Variants in ME2 observed in about 807,000 individuals in gnomAD.
ME2 encodes the protein malic enzyme 2, also known as NAD-dependent malic enzyme, mitochondrial.
Under a neutral mutation model 73.7 loss-of-function variants are expected in ME2, and 60 were observed. The observed-to-expected ratio is 0.81, with a 90% CI of 0.66 to 1.01. ME2 has a LOEUF of 1.01. Ranked by LOEUF, ME2 falls within the 50% of genes least tolerant of loss-of-function variation. The pLI is 0.00. For synonymous variants in ME2, 199 were observed against 236.9 expected (o/e 0.84, Z 1.47); for missense variants, 594 against 705.5 (o/e 0.84, Z 1.79).
At chr18:50,931,600 A>G (rs1314605968) in intron 12 of ME2, among the ~76,000 whole-genome samples, 1 of 151,940 alleles carries the variant, frequency 6.6e-6, no homozygotes, top group Non-Finnish European at 1.5e-5. Flanking sequence ...CCCTTCATTC[A>G]TCAGTGTTTA....
At chr18:50,946,939 T>C in intron 15 of ME2, 78 bp from the exon 16 acceptor site, 1 of 1,011,078 alleles carries the variant, frequency 9.9e-7, no homozygotes, top group Non-Finnish European at 1.5e-6. Flanking sequence ...AAACTTATTT[T>C]CCTGTGTTAT....
At chr18:50,885,892 T>A (rs1386858927) in intron 1 of ME2, among the ~76,000 whole-genome samples, 1 of 152,144 alleles carries the variant, frequency 6.6e-6, no homozygotes, top group Non-Finnish European at 1.5e-5. Context: ...TTTGAGTAAC[T>A]TAAAATTTAA....
At chr18:50,910,743 A>G (rs1441368218) in intron 3 of ME2, among the ~76,000 whole-genome samples, 2 of 152,188 alleles carry the variant, frequency 1.3e-5, no homozygotes, top group Non-Finnish European at 2.9e-5. Context: ...AGAGTTCACT[A>G]TCTCTGGTGG....
At chr18:50,881,060 C>T (rs1258626542) in intron 1 of ME2, among the ~76,000 whole-genome samples, 1 of 152,140 alleles carries the variant, frequency 6.6e-6, no homozygotes, top group African/African-American at 2.4e-5. Flanking sequence ...CGGAGTTTTG[C>T]TCTTGTTGCC....
chr18:50,880,761 A>G (rs1472786794), intron 1 of ME2, among the ~76,000 whole-genome samples: 2 of 152,202 alleles, frequency 1.3e-5, no homozygotes, highest in African/African-American at 4.8e-5. Context: ...ATGTTGGGCT[A>G]TGCTTCTGTA....
At chr18:50,935,997 G>A (rs1917810520) in intron 13 of ME2, among the ~76,000 whole-genome samples, 1 of 151,742 alleles carries the variant, frequency 6.6e-6, no homozygotes, top group African/African-American at 2.4e-5. Context: ...TTTTAGAACT[G>A]GTGATTGACA....
At chr18:50,904,471 A>G (rs989919621) in intron 2 of ME2, among the ~76,000 whole-genome samples, 1 of 151,654 alleles carries the variant, frequency 6.6e-6, no homozygotes, top group East Asian at 1.9e-4. Flanking sequence ...TTTAGTAGAG[A>G]TGGGGTTTCA....
chr18:50,913,793 AG>A (rs1358686433), intron 4 of ME2, among the ~76,000 whole-genome samples: 3 of 151,254 alleles, frequency 2.0e-5, no homozygotes, highest in African/African-American at 7.3e-5. Context: ...TGGGAATAGC[AG>A]GACCTATCAA....
chr18:50,924,580 C>T (rs1433999595), intron 11 of ME2, among the ~76,000 whole-genome samples: 1 of 152,164 alleles, frequency 6.6e-6, no homozygotes, highest in Non-Finnish European at 1.5e-5. Context: ...TCAGGCATTG[C>T]ATAGATGCCA....
rs1202303203 is a variant in ME2, at chr18:50,920,445, G to T, written c.735-11G>T. 4 of 1,559,428 alleles carry T rather than the reference G, an allele frequency of 2.6e-6. No individual in the cohort carries two copies. Among genetic ancestry groups the T allele is most frequent in the Non-Finnish European group, 3.5e-6 (4 of 1,146,208 alleles). ...TTTCAACACAACTATTGTGGGTTTTGCTGTTTTTAGATATGGCCGGAACAC... is the reference window on the plus strand; with the variant it reads ...TTTCAACACAACTATTGTGGGTTTTTCTGTTTTTAGATATGGCCGGAACAC... On this transcript the variant is annotated splice_polypyrimidine_tract_variant and intron_variant, in intron 7 of 15. Coordinates refer to ENST00000321341, the MANE Select transcript of ME2 (RefSeq NM_002396.5).
At chr18:50,919,698 G>GT (rs1450672281) in intron 7 of ME2, among the ~76,000 whole-genome samples, 1 of 151,968 alleles carries the variant, frequency 6.6e-6, no homozygotes, top group African/African-American at 2.4e-5. Context: ...TATGAGCTAC[G>GT]TATCACTGGC....
At chr18:50,911,789 T>C (rs1917164328) in intron 3 of ME2, among the ~76,000 whole-genome samples, 1 of 152,204 alleles carries the variant, frequency 6.6e-6, no homozygotes, top group Non-Finnish European at 1.5e-5. Flanking sequence ...TTGTTAACTA[T>C]TTTAGGAGCT....
chr18:50,885,501 G>A (rs371372061), intron 1 of ME2, among the ~76,000 whole-genome samples: 1 of 152,020 alleles, frequency 6.6e-6, no homozygotes, highest in South Asian at 2.1e-4. Context: ...CTGAGTGACA[G>A]AGTGAGATAC....
At chr18:50,902,484 C>T (rs1269687404) in intron 2 of ME2, among the ~76,000 whole-genome samples, 2 of 152,152 alleles carry the variant, frequency 1.3e-5, no homozygotes, top group Non-Finnish European at 2.9e-5. Flanking sequence ...CCACATCCTC[C>T]GCTCCCAGGT....
At chr18:50,919,693 G>C (rs1917375314) in intron 7 of ME2, among the ~76,000 whole-genome samples, 1 of 152,004 alleles carries the variant, frequency 6.6e-6, no homozygotes, top group African/African-American at 2.4e-5. Flanking sequence ...ACCAATATGA[G>C]CTACGTATCA....
Position 50,907,124 on chromosome 18 carries a change from C to T in ME2, c.109-939C>T, listed in dbSNP as rs147132810. ...GAAATGGCTTTTCAGATGGGGTGAG[C>T]GCCAAGTTAGGTCAAATGAAGATAG... On this transcript the variant is annotated intron_variant, in intron 2 of 15. Coordinates refer to ENST00000321341, the MANE Select transcript of ME2 (RefSeq NM_002396.5). Among the ~76,000 whole-genome samples, 373 of 152,212 alleles carry T rather than the reference C, an allele frequency of 2.5e-3. 2 individuals are homozygous for T. The highest frequency in any genetic ancestry group is 8.3e-3 in the African/African-American group (345 of 41,546).
rs139135172 is a variant in ME2 at position 50,907,655 on chromosome 18, G to A, written c.109-408G>A. ...ATACCATAGGATGCTTAACTCTTTC[G>A]TAGTTAATGGGCTTTTTGTTAGCTT... On this transcript the variant is annotated intron_variant, in intron 2 of 15. Transcript: ENST00000321341. Among the ~76,000 whole-genome samples, 438 of 152,186 alleles carry A rather than the reference G, an allele frequency of 2.9e-3. 3 individuals are homozygous for A. The highest frequency in any genetic ancestry group is 8.1e-3 in the African/African-American group (338 of 41,534).
intron 2 of ME2, among the ~76,000 whole-genome samples, chr18:50,906,815 C>G (rs1218802875): frequency 6.6e-6 from 1 of 152,148 alleles, no homozygotes; most frequent in East Asian, 1.9e-4. Flanking sequence ...TACCCAGAAG[C>G]CTTCACTTCC....
chr18:50,918,875 A>G (rs1917353764), intron 7 of ME2, among the ~76,000 whole-genome samples: 1 of 152,168 alleles, frequency 6.6e-6, no homozygotes, highest in African/African-American at 2.4e-5. Context: ...CTGCATTTCT[A>G]ATAATCAGAA....
Sources: gnomAD v4.1 joint callset for allele counts (sites outside exome capture counted in the v4.1 genomes callset) on GRCh38, gnomAD v4.1.1 for gene constraint, MANE v1.5 for transcripts, NCBI Gene and HGNC (gene_info 2026-07-23, HGNC 2026-07-21) for gene names.